Variants in CFAP20DC observed in about 807,000 individuals in gnomAD.
CFAP20DC encodes protein CFAP20DC.
In CFAP20DC, 84 loss-of-function variants were observed where a neutral mutation model predicts 101.7. The ratio of observed to expected loss-of-function variants is 0.83; its 90% CI spans 0.69 to 0.99. The LOEUF is 0.99. Among genes scored for constraint, CFAP20DC ranks in the 50% least tolerant of loss-of-function variants. The pLI is 0.00. For synonymous variants in CFAP20DC, 359 were observed against 351.2 expected (o/e 1.02, Z -0.25); for missense variants, 1,007 against 970.3 (o/e 1.04, Z -0.50).
At chr3:58,842,406 A>C (rs932917219) in intron 13 of CFAP20DC, among the ~76,000 whole-genome samples, 3 of 151,924 alleles carry the variant, frequency 2.0e-5, no homozygotes, top group African/African-American at 7.3e-5. Flanking sequence ...GGGGTGACAG[A>C]CGCACCTGGA....
intron 4 of CFAP20DC, among the ~76,000 whole-genome samples, chr3:58,993,400 T>C (rs1048870009): frequency 8.5e-5 from 13 of 152,334 alleles, no homozygotes; most frequent in Middle Eastern, 3.4e-3. Context: ...TCTTCTCTAG[T>C]TATCTTCATG....
chr3:58,723,814 G>T (rs562293242), intron 3 of CFAP20DC, among the ~76,000 whole-genome samples: 1 of 152,308 alleles, frequency 6.6e-6, no homozygotes, highest in Admixed American at 6.5e-5. Flanking sequence ...CATATTCAAT[G>T]ACCACTGTTT....
chr3:59,033,983 C>T (rs1051802437), intron 4 of CFAP20DC, among the ~76,000 whole-genome samples: 4 of 152,198 alleles, frequency 2.6e-5, no homozygotes, highest in African/African-American at 9.7e-5. Context: ...GGAAGCCCAT[C>T]AGACTAACAA....
intron 3 of CFAP20DC, among the ~76,000 whole-genome samples, chr3:58,719,368 C>T (rs1002445456): frequency 8.5e-5 from 13 of 152,180 alleles, no homozygotes; most frequent in South Asian, 2.1e-4. Flanking sequence ...CTGTCAACTT[C>T]GTGTGGGCAA....
chr3:58,763,010 T>C (rs1385960226), intron 15 of CFAP20DC, among the ~76,000 whole-genome samples: 2 of 152,208 alleles, frequency 1.3e-5, no homozygotes, highest in Non-Finnish European at 2.9e-5. Context: ...CTGACAATGA[T>C]GTGTCTTGGA....
chr3:58,783,514 C>T (rs1473614640), intron 15 of CFAP20DC, among the ~76,000 whole-genome samples: 1 of 151,882 alleles, frequency 6.6e-6, no homozygotes, highest in Non-Finnish European at 1.5e-5. Flanking sequence ...GAAGAGACAA[C>T]CTGTTGAATG....
intron 15 of CFAP20DC, among the ~76,000 whole-genome samples, chr3:58,764,526 G>T (rs1038867738): frequency 6.6e-6 from 1 of 152,166 alleles, no homozygotes; most frequent in African/African-American, 2.4e-5. Flanking sequence ...CACGGTCGGT[G>T]TACTGCACCC....
intron 15 of CFAP20DC, among the ~76,000 whole-genome samples, chr3:58,774,014 G>A (rs1279648368): frequency 1.3e-5 from 2 of 151,166 alleles, no homozygotes; most frequent in African/African-American, 2.4e-5. Context: ...TTTAGTTGCT[G>A]GAGGATAAAA....
At chr3:58,824,856 G>A (rs1190243935) in intron 14 of CFAP20DC, among the ~76,000 whole-genome samples, 1 of 150,728 alleles carries the variant, frequency 6.6e-6, no homozygotes, top group African/African-American at 2.4e-5. Flanking sequence ...AAGAGATGGG[G>A]TCTCATTGTG....
At chr3:58,812,818 G>C (rs1281822533) in intron 14 of CFAP20DC, among the ~76,000 whole-genome samples, 2 of 151,772 alleles carry the variant, frequency 1.3e-5, no homozygotes, top group African/African-American at 2.4e-5. Context: ...TATTATTTTA[G>C]TGGCCCAGTC....
chr3:58,936,046 G>A (rs994848596), intron 5 of CFAP20DC, among the ~76,000 whole-genome samples: 30 of 152,114 alleles, frequency 2.0e-4, no homozygotes, highest in African/African-American at 6.3e-4. Context: ...CTAATATCCA[G>A]AATCTACAAT....
At position 58,964,734 on chromosome 3, in the gene CFAP20DC, A is replaced by C. The variant is rs1212617422; in HGVS notation, c.279-26972T>G. 6.6e-6 allele frequency among the ~76,000 whole-genome samples: 1 copy of C among 152,168 alleles called. No homozygotes were observed. Among genetic ancestry groups the C allele is most frequent in the African/African-American group, 2.4e-5 (1 of 41,436 alleles). ...ATTTTTGTATTATGCATTCATGACA[A>C]AATATTTCTAACCTAAAACGGAACC... is the stretch of plus-strand genomic sequence containing the variant. On this transcript the variant is annotated intron_variant, in intron 4 of 16. Coordinates refer to ENST00000482387, the MANE Select transcript of CFAP20DC (RefSeq NM_001394063.1). The surrounding 1 kb of genome is among the most constrained non-coding windows in gnomAD (Gnocchi z 4.1).
intron 4 of CFAP20DC, among the ~76,000 whole-genome samples, chr3:58,968,006 C>T (rs1307347825): frequency 2.0e-5 from 3 of 152,212 alleles, no homozygotes; most frequent in Admixed American, 1.3e-4. Flanking sequence ...ATAATAGCCT[C>T]CAGCTCCATC....
chr3:58,977,759 A>G (rs1576563401), intron 4 of CFAP20DC, among the ~76,000 whole-genome samples: 1 of 150,798 alleles, frequency 6.6e-6, no homozygotes, highest in South Asian at 2.1e-4. Context: ...GGAGGAAAGG[A>G]GTCAGGAAAT....
chr3:58,839,081 G>T (rs2076928281), intron 13 of CFAP20DC, among the ~76,000 whole-genome samples: 1 of 152,208 alleles, frequency 6.6e-6, no homozygotes, highest in Admixed American at 6.5e-5. Context: ...CTTTAAGTAA[G>T]CTTGAACTGT....
chr3:58,934,614 C>A (rs2107725098), intron 5 of CFAP20DC, among the ~76,000 whole-genome samples: 1 of 152,218 alleles, frequency 6.6e-6, no homozygotes, highest in Non-Finnish European at 1.5e-5. Flanking sequence ...AAGGCTGGTC[C>A]AATATATGCA....
intron 4 of CFAP20DC, among the ~76,000 whole-genome samples, chr3:59,020,407 C>T (rs1177459912): frequency 6.6e-6 from 1 of 152,010 alleles, no homozygotes; most frequent in Non-Finnish European, 1.5e-5. Flanking sequence ...TAGGAGGGTC[C>T]TCACTTGACT....
intron 5 of CFAP20DC, 83 bp downstream of exon 5, chr3:58,937,565 G>C: frequency 1.2e-6 from 1 of 844,448 alleles, no homozygotes; most frequent in Non-Finnish European, 2.0e-6. Context: ...ACTTAACAAA[G>C]TACCTCACAT....
intron 4 of CFAP20DC, among the ~76,000 whole-genome samples, chr3:58,952,112 T>C (rs1483318551): frequency 6.6e-6 from 1 of 152,084 alleles, no homozygotes; most frequent in Non-Finnish European, 1.5e-5. Context: ...GAAAACCATT[T>C]ATTACAAATT....
Sources: allele counts gnomAD v4.1 joint callset (sites outside exome capture counted in the v4.1 genomes callset), GRCh38; gene constraint gnomAD v4.1.1; non-coding constraint Gnocchi (gnomAD v3.1); transcripts MANE v1.5; gene names NCBI Gene and HGNC (gene_info 2026-07-23, HGNC 2026-07-21).